The following SYT14 variants were observed in gnomAD, a reference collection of about 807,000 sequenced individuals.
SYT14 encodes the protein synaptotagmin-14.
SYT14 carries 32 observed loss-of-function variants against 74.2 expected under a neutral mutation model. That is an observed-to-expected ratio of 0.43 (90% CI 0.33 to 0.58). The LOEUF (loss-of-function observed/expected upper bound fraction) is 0.58, where lower values mean the gene tolerates loss of function less well. Among genes scored for constraint, SYT14 ranks in the 20% least tolerant of loss-of-function variants. The pLI is 0.05. For missense variants in SYT14, 791 were observed against 981.8 expected (o/e 0.81, Z 2.60); for synonymous variants, 298 against 337.7 (o/e 0.88, Z 1.29).
Position 210,007,879 on chromosome 1 carries a change from T to C in SYT14, c.-485-5754T>C, listed in dbSNP as rs143136597. ...TAATCTAAAGACTAAGATAATATTATAGTACTTATCATAAATTGTCTTGAG... is the reference window on the plus strand; with the variant it reads ...TAATCTAAAGACTAAGATAATATTACAGTACTTATCATAAATTGTCTTGAG... On this transcript the variant is annotated intron_variant, in intron 2 of 9. Transcript: ENST00000637265. Among the ~76,000 whole-genome samples the C allele has an allele frequency of 2.5e-3, 377 of 152,306 alleles. 1 individual carries two copies. The highest frequency in any genetic ancestry group is 5.5e-3 in the African/African-American group (230 of 41,572).
chr1:210,101,887 T>C (rs1202170480), intron 7 of SYT14, among the ~76,000 whole-genome samples: 1 of 152,134 alleles, frequency 6.6e-6, no homozygotes. Context: ...TACCAATTAA[T>C]TATGTTTTAA....
At chr1:210,049,483 G>A (rs1365471363) in intron 5 of SYT14, among the ~76,000 whole-genome samples, 1 of 149,534 alleles carries the variant, frequency 6.7e-6, no homozygotes, top group South Asian at 2.1e-4. Flanking sequence ...TGCAGGACAT[G>A]CAGGTTTGTT....
chr1:210,044,889 A>C (rs1054404676), intron 5 of SYT14, among the ~76,000 whole-genome samples: 1 of 152,168 alleles, frequency 6.6e-6, no homozygotes, highest in Non-Finnish European at 1.5e-5. Context: ...GAATGGGAGC[A>C]AGACAGTGAG....
At chr1:210,156,784 C>G (rs2083278075) in intron 8 of SYT14, 1 of 207,540 alleles carries the variant, frequency 4.8e-6, no homozygotes, top group Non-Finnish European at 1.1e-5. Context: ...ACCTCCGCCT[C>G]CAGGTTCAAG....
chr1:210,029,260 A>G (rs1031153001), intron 5 of SYT14, among the ~76,000 whole-genome samples: 4 of 152,074 alleles, frequency 2.6e-5, no homozygotes, highest in African/African-American at 9.7e-5. Context: ...TGATAGACAA[A>G]ATGTTTTAAT....
intron 2 of SYT14, among the ~76,000 whole-genome samples, chr1:209,971,179 C>T (rs943648089): frequency 6.6e-6 from 1 of 152,134 alleles, no homozygotes; most frequent in African/African-American, 2.4e-5. Flanking sequence ...GCTTGGCTCT[C>T]AGCTTAAACA....
At chr1:209,950,163 A>G (rs1297163214) in intron 1 of SYT14, among the ~76,000 whole-genome samples, 1 of 152,168 alleles carries the variant, frequency 6.6e-6, no homozygotes, top group Admixed American at 6.5e-5. Flanking sequence ...CAGGCTTTAA[A>G]AAGTACAGCC....
chr1:210,136,541 T>G (rs747952986), intron 7 of SYT14, among the ~76,000 whole-genome samples: 8 of 152,184 alleles, frequency 5.3e-5, no homozygotes, highest in Non-Finnish European at 8.8e-5. Context: ...CTTCCAAGGT[T>G]AGCGTTTTGG....
intron 5 of SYT14, among the ~76,000 whole-genome samples, chr1:210,064,900 A>G (rs1036554166): frequency 1.3e-5 from 2 of 152,014 alleles, no homozygotes; most frequent in African/African-American, 2.4e-5. Flanking sequence ...GAGGGTTCCA[A>G]TTCCTCCACA....
chr1:210,120,941 A>G (rs1363942812), intron 7 of SYT14, among the ~76,000 whole-genome samples: 18 of 152,144 alleles, frequency 1.2e-4, no homozygotes. Flanking sequence ...GATAGGAGAA[A>G]TCTGCCATTT....
At chr1:210,009,820 A>T (rs1428501754) in intron 2 of SYT14, among the ~76,000 whole-genome samples, 1 of 152,106 alleles carries the variant, frequency 6.6e-6, no homozygotes, top group African/African-American at 2.4e-5. Flanking sequence ...CTTTCCTCCC[A>T]TGCTCTAATC....
At chr1:210,026,492 G>A (rs1436469773) in intron 5 of SYT14, among the ~76,000 whole-genome samples, 1 of 151,834 alleles carries the variant, frequency 6.6e-6, no homozygotes, top group African/African-American at 2.4e-5. Context: ...CTATACTTAT[G>A]TATTATGGAA....
chr1:210,146,305 C>T (rs1050955540), intron 7 of SYT14, among the ~76,000 whole-genome samples: 6 of 152,062 alleles, frequency 3.9e-5, no homozygotes, highest in Non-Finnish European at 8.8e-5. Flanking sequence ...TGCGCTCCAG[C>T]CTGGGCAACA....
At chr1:210,146,818 T>C (rs1337532276) in intron 7 of SYT14, among the ~76,000 whole-genome samples, 1 of 151,162 alleles carries the variant, frequency 6.6e-6, no homozygotes, top group African/African-American at 2.4e-5. Context: ...TACATATATA[T>C]ACTACATGCA....
chr1:210,112,102 G>A (rs2102583373), intron 7 of SYT14, among the ~76,000 whole-genome samples: 1 of 151,332 alleles, frequency 6.6e-6, no homozygotes, highest in East Asian at 1.9e-4. Context: ...CTCACAGAAG[G>A]GAAGAAATGA....
At chr1:209,985,333 G>T (rs190816576) in intron 2 of SYT14, among the ~76,000 whole-genome samples, 55 of 152,330 alleles carry the variant, frequency 3.6e-4, no homozygotes, top group African/African-American at 8.9e-4. Flanking sequence ...AGTTCAAAAC[G>T]CATCAGGGCA....
chr1:210,086,346 T>G (rs1290171275), intron 5 of SYT14, among the ~76,000 whole-genome samples: 6 of 152,296 alleles, frequency 3.9e-5, no homozygotes, highest in African/African-American at 1.4e-4. Context: ...CTCAAAAAAT[T>G]TTTCACTTAT....
rs1383643430 is a variant in SYT14 at position 210,066,149 on chromosome 1, C to T, written c.1313-28173C>T. Among the ~76,000 whole-genome samples, 3 of 151,806 alleles carry T rather than the reference C, an allele frequency of 2.0e-5. No individual in the cohort carries two copies. In the East Asian group the frequency reaches 5.8e-4, roughly 29 times the overall value. ...CATTGTTGGACATTTGGGTTGGTTC[C>T]AAGTCTTTGCTATTGTGAATAGTGC... On this transcript the variant is annotated intron_variant, in intron 5 of 9. Transcript: ENST00000637265.
intron 5 of SYT14, among the ~76,000 whole-genome samples, chr1:210,075,342 GT>G (rs33985042): frequency 0.052 from 6,629 of 127,588 alleles, 641 homozygotes; most frequent in East Asian, 0.39. Flanking sequence ...TCGAGGGTTT[GT>G]TTTTTTTTTT....
Sources: gnomAD v4.1 joint callset for allele counts (sites outside exome capture counted in the v4.1 genomes callset) on GRCh38, gnomAD v4.1.1 for gene constraint, MANE v1.5 for transcripts, NCBI Gene and HGNC (gene_info 2026-07-23, HGNC 2026-07-21) for gene names.